The following MRPS6 variants were observed in gnomAD, a reference collection of about 807,000 sequenced individuals.
MRPS6 encodes small ribosomal subunit protein bS6m.
MRPS6 carries 6 observed loss-of-function variants against 13.1 expected under a neutral mutation model. That is an observed-to-expected ratio of 0.46 (90% CI 0.25 to 0.91). MRPS6 has a LOEUF of 0.91. Among genes scored for constraint, MRPS6 ranks in the 40% least tolerant of loss-of-function variants. The probability of loss-of-function intolerance (pLI) is 0.18; values close to 1 mark genes in which losing one functional copy is unlikely to be tolerated. For synonymous variants in MRPS6, 61 were observed against 56.5 expected (o/e 1.08, Z -0.36); for missense variants, 164 against 155.6 (o/e 1.05, Z -0.29).
At chr21:34,106,966 C>T (rs140835176) in intron 1 of MRPS6, among the ~76,000 whole-genome samples, 1 of 151,938 alleles carries the variant, frequency 6.6e-6, no homozygotes, top group African/African-American at 2.4e-5. Flanking sequence ...GTGACTTGCT[C>T]TGTCGCCCAG....
intron 1 of MRPS6, among the ~76,000 whole-genome samples, chr21:34,115,424 T>A (rs1250363771): frequency 6.6e-6 from 1 of 152,194 alleles, no homozygotes; most frequent in East Asian, 1.9e-4. Flanking sequence ...ATCACGTCTT[T>A]TTGGTGCACT....
chr21:34,127,355 G>T (rs1436653390), intron 2 of MRPS6, among the ~76,000 whole-genome samples: 1 of 152,148 alleles, frequency 6.6e-6, no homozygotes, highest in Admixed American at 6.5e-5. Flanking sequence ...CGCTAATTCC[G>T]TAGAGATGCT....
At chr21:34,138,523 A>G (rs374880523) in intron 2 of MRPS6, among the ~76,000 whole-genome samples, 2 of 152,162 alleles carry the variant, frequency 1.3e-5, no homozygotes, top group Admixed American at 6.5e-5. Flanking sequence ...AAAAGTGGGC[A>G]AAGGACATGA....
In MRPS6 at chr21:34,103,136, A is replaced by G. The variant is rs1221151478; in HGVS notation, c.46-22205A>G. The G allele has an allele frequency of 4.0e-6, 4 of 999,982 alleles. No homozygotes were observed. The Admixed American group carries it at 1.8e-4, about 46-fold the overall frequency. The allele number at this position is 999,982 out of a possible 1,614,324, so 61.9% of individuals were successfully genotyped here. A position where few individuals can be genotyped will look rare whatever the true frequency, so the allele number is the denominator to read the frequency against. On this transcript the variant is annotated intron_variant, in intron 1 of 2. Transcript: ENST00000399312. ...GCTTATTGCTATTGCAGAAATCCCA[A>G]ACTGGCAAAGGCCAGTATATATGGT...
intron 1 of MRPS6, among the ~76,000 whole-genome samples, chr21:34,094,426 A>G (rs1179689328): frequency 6.6e-6 from 1 of 152,166 alleles, no homozygotes; most frequent in East Asian, 1.9e-4. Flanking sequence ...CTGGCCATAA[A>G]GTTACCCCCA....
chr21:34,112,963 G>T (rs1045406399), intron 1 of MRPS6, among the ~76,000 whole-genome samples: 1 of 151,974 alleles, frequency 6.6e-6, no homozygotes, highest in Non-Finnish European at 1.5e-5. Flanking sequence ...TTGAGACCAG[G>T]CTGGCCAACA....
chr21:34,135,344 CG>C (rs1980652993), intron 2 of MRPS6: 1 of 251,560 alleles, frequency 4.0e-6, no homozygotes, highest in Non-Finnish European at 7.7e-6. Flanking sequence ...ATATGAGAGC[CG>C]GTTTTTTTTT....
In MRPS6 at chr21:34,126,331, G is replaced by A. The variant is rs567649687; in HGVS notation, c.185+851G>A. Among the ~76,000 whole-genome samples, 15 of 152,326 alleles carry A rather than the reference G, an allele frequency of 9.8e-5. No individual in the cohort carries two copies. The South Asian group carries it at 3.1e-3, about 32-fold the overall frequency. On this transcript the variant is annotated intron_variant, in intron 2 of 2. Transcript: ENST00000399312. ...AATGCTGCTTGTAGTTATGTGAGTCGAGCTGTCTTGTGCAGGTACAGTACG... is the reference window on the plus strand; with the variant it reads ...AATGCTGCTTGTAGTTATGTGAGTCAAGCTGTCTTGTGCAGGTACAGTACG...
intron 1 of MRPS6, among the ~76,000 whole-genome samples, chr21:34,112,123 A>ATT (rs1979724132): frequency 6.6e-6 from 1 of 152,108 alleles, no homozygotes; most frequent in African/African-American, 2.4e-5. Context: ...GATCTTTTAA[A>ATT]TTTTATGACT....
At chr21:34,125,203 C>A in intron 1 of MRPS6, 138 bp from the exon 2 acceptor site, 2 of 1,323,934 alleles carry the variant, frequency 1.5e-6, no homozygotes, top group Non-Finnish European at 2.0e-6. Flanking sequence ...TTAACCAAAA[C>A]CAGCTTCTGT....
chr21:34,135,519 C>T (rs2123270979), intron 2 of MRPS6: 2 of 506,724 alleles, frequency 3.9e-6, no homozygotes, highest in East Asian at 5.4e-5. Flanking sequence ...CAGTGATGAG[C>T]TCATCTGCCA....
At position 34,097,135 on chromosome 21, in the gene MRPS6, A is replaced by G. The variant is rs747443709; in HGVS notation, c.45+23390A>G. The G allele has an allele frequency of 1.2e-6, 2 of 1,613,946 alleles. No homozygotes were observed. The highest frequency in any genetic ancestry group is 2.2e-5 in the East Asian group (1 of 44,886). The stretch of plus-strand genomic sequence containing the variant: ...CTCATGGGTGAGAAAGAGAGAAAGA[A>G]AGAAACGGATGATGGAGGTCGGTAC... On this transcript the variant is annotated intron_variant, in intron 1 of 2. Transcript: ENST00000399312.
At chr21:34,116,176 TTTTGTGTGTGTG>T (rs1569422031) in intron 1 of MRPS6, among the ~76,000 whole-genome samples, 1 of 81,212 alleles carries the variant, frequency 1.2e-5, no homozygotes, top group African/African-American at 4.3e-5. Flanking sequence ...GCCCAGCTAA[TTTTGTGTGTGTG>T]TGTGTGTGTG....
chr21:34,142,462 G>T lies in MRPS6; in HGVS notation c.240G>T (p.Glu80Asp). ...CCGCAGCTGTTGAAAGCATGGTGGA[G>T]CACTTGTCTCGAGATATAGATGTGA... ...APTAAVESMV[E>D]HLSRDIDVIR... Residue 80 changes from glutamate (E) to aspartate (D), a missense_variant, in exon 3 of 3, where the codon GAG becomes GAT. Glu to Asp is a conservative substitution (Grantham distance 45). Coordinates refer to ENST00000399312, the MANE Select transcript of MRPS6 (RefSeq NM_032476.4). 1 of 1,609,854 alleles carries T rather than the reference G, an allele frequency of 6.2e-7. No homozygotes were observed. The highest frequency in any genetic ancestry group is 8.5e-7 in the Non-Finnish European group (1 of 1,178,496).
At chr21:34,084,259 A>G (rs1337107807) in intron 1 of MRPS6, among the ~76,000 whole-genome samples, 1 of 143,202 alleles carries the variant, frequency 7.0e-6, no homozygotes, top group Non-Finnish European at 1.6e-5. Context: ...CTGGAGAATT[A>G]TAATCTGGTC....
At chr21:34,123,113 C>G (rs1401305353) in intron 1 of MRPS6, 2 of 152,008 alleles carry the variant, frequency 1.3e-5, no homozygotes, top group Non-Finnish European at 2.9e-5. Context: ...TTTTAAAATC[C>G]CTAATGGACT....
chr21:34,089,839 C>T (rs559671577), intron 1 of MRPS6, among the ~76,000 whole-genome samples: 103 of 152,192 alleles, frequency 6.8e-4, no homozygotes, highest in African/African-American at 2.5e-3. Context: ...CTTGAGGGTG[C>T]AAGTTTAATA....
chr21:34,103,256 T>G lies in MRPS6; in HGVS notation c.46-22085T>G, dbSNP rs562842546. ...TCTGCTAGTTTGCACCTTTCCGTTC[T>G]TAACAGAAAATTTGTATTTGTTATT... On this transcript the variant is annotated intron_variant, in intron 1 of 2. Coordinates refer to ENST00000399312, the MANE Select transcript of MRPS6 (RefSeq NM_032476.4). 26 of 999,228 alleles carry G rather than the reference T, an allele frequency of 2.6e-5. 1 individual carries two copies. In the African/African-American group the frequency reaches 4.4e-4, roughly 17 times the overall value. The allele number at this position is 999,228 out of a possible 1,614,324, so 61.9% of individuals were successfully genotyped here.
intron 1 of MRPS6, among the ~76,000 whole-genome samples, chr21:34,091,684 T>C (rs544284220): frequency 6.6e-6 from 1 of 152,348 alleles, no homozygotes; most frequent in African/African-American, 2.4e-5. Flanking sequence ...ATTCTAATTC[T>C]GTGCAAAACA....
Sources: gnomAD v4.1 joint callset for allele counts (sites outside exome capture counted in the v4.1 genomes callset) on GRCh38, gnomAD v4.1.1 for gene constraint, MANE v1.5 for transcripts, NCBI Gene and HGNC (gene_info 2026-07-23, HGNC 2026-07-21) for gene names.